The following TTN variants were observed in gnomAD, a reference collection of about 807,000 sequenced individuals.
TTN encodes titin.
In TTN, 1,525 loss-of-function variants were observed where a neutral mutation model predicts 3,223.0. The ratio of observed to expected loss-of-function variants is 0.47; its 90% CI spans 0.45 to 0.49. The LOEUF is 0.49. TTN is among the 20% of genes least tolerant of loss of function. TTN has a pLI of 0.00. For missense variants in TTN, 40,786 were observed against 43,424.0 expected (o/e 0.94, Z 5.40); for synonymous variants, 14,094 against 15,161.0 (o/e 0.93, Z 5.17).
Position 178,782,365 on chromosome 2 carries a change from G to T in TTN, c.3227C>A (p.Pro1076His). Residue 1076 changes from proline (P) to histidine (H), a missense_variant, in exon 20 of 363, where the codon CCT (proline) becomes CAT (histidine). Coordinates refer to ENST00000589042, the MANE Select transcript of TTN (RefSeq NM_001267550.2). ...DTSLTEEQAG[P>H]GEPAAPYFIT... ...AAAGTAAGGCGCGGCAGGTTCTCCA[G>T]GCCCTGCTTGTTCCTCTGTGAGGCT... The T allele has an allele frequency of 6.2e-7, 1 of 1,614,060 alleles. No individual in the cohort carries two copies. Among genetic ancestry groups the T allele is most frequent in the Non-Finnish European group, 8.5e-7 (1 of 1,179,980 alleles).
In TTN at chr2:178,701,538, C is replaced by T. The variant is rs727504524; in HGVS notation, c.30588G>A (p.Val10196=). 11 of 1,613,140 alleles carry T rather than the reference C, an allele frequency of 6.8e-6. No homozygotes were observed. The highest frequency in any genetic ancestry group is 5.0e-5 in the Admixed American group (3 of 59,908). ...GGTTCTGGGTCTTACCTTCTGGTGGCACTGCTCTGATAGGCATGGTTGGGA... is the reference window on the plus strand; with the variant it reads ...GGTTCTGGGTCTTACCTTCTGGTGGTACTGCTCTGATAGGCATGGTTGGGA... ...VPIPTMPIRA[V]PPEEIPPVVA... is the part of the protein sequence containing the mutation. Residue 10196 remains valine, a synonymous_variant, in exon 110 of 363, where the codon GTG becomes GTA. Transcript: ENST00000589042.
Position 178,593,452 on chromosome 2 carries a change from G to A in TTN, c.58756C>T (p.Pro19586Ser). The A allele has an allele frequency of 1.2e-6, 2 of 1,612,396 alleles. No individual in the cohort carries two copies. Among genetic ancestry groups the A allele is most frequent in the Non-Finnish European group, 1.7e-6 (2 of 1,179,508 alleles). ...TCTTTGGTAACTTCTGTAACAATTG[G>A]CTGATCAGGTGCATCAGGAACCCCT... is the stretch of plus-strand genomic sequence containing the variant. ...RFRVPDAPDQPIVTEVTKDSA... is the reference protein window; with the variant it reads ...RFRVPDAPDQSIVTEVTKDSA... Residue 19586 changes from proline (P) to serine (S), a missense_variant, in exon 299 of 363, where the codon CCA becomes TCA. Physicochemically the swap from Pro to Ser is moderately conservative, Grantham distance 74. Transcript: ENST00000589042.
Position 178,713,192 on chromosome 2 carries a change from C to T in TTN, c.26942G>A (p.Cys8981Tyr). 6.2e-7 allele frequency: 1 copy of T among 1,613,704 alleles called. No individual in the cohort carries two copies. Among genetic ancestry groups the T allele is most frequent in the Non-Finnish European group, 8.5e-7 (1 of 1,179,756 alleles). ...KYQTTLTDNT[C>Y]ALTVNMLEES... ...TTCCAGCATGTTCACAGTTAAAGCA[C>T]AAGTATTATCTGTCAGGGTGGTCTG... The change falls in exon 93 of 363, where the codon TGT (cysteine) becomes TAT (tyrosine). Residue 8981 changes from cysteine to tyrosine, a missense_variant. Transcript: ENST00000589042.
chr2:178,768,771 G>A lies in TTN; in HGVS notation c.9065C>T (p.Thr3022Ile). ...AACATTCCTGATGTTCAGTGAGTGT[G>A]TGAGCTTTTTGGTTCTCATCTGGCA... ...DKCQMRTKKL[T>I]HSLNIRNVHF... The change falls in exon 38 of 363, where the codon ACA becomes ATA. Residue 3022 changes from threonine (T) to isoleucine (I), a missense_variant. By Grantham distance (89) the Thr-to-Ile change is moderately conservative (BLOSUM62 -1). Coordinates refer to ENST00000589042, the MANE Select transcript of TTN (RefSeq NM_001267550.2). 1.2e-6 allele frequency: 2 copies of A among 1,614,118 alleles called. No homozygotes were observed. The highest frequency in any genetic ancestry group is 1.7e-6 in the Non-Finnish European group (2 of 1,180,000).
At chr2:178,664,416 G>A (rs772013067) in intron 168 of TTN, 44 bp downstream of exon 168, 149 of 1,454,042 alleles carry the variant, frequency 1.0e-4, no homozygotes, top group Admixed American at 1.9e-4. Context: ...CCTTTCTATC[G>A]CCCCACCCAC....
intron 259 of TTN, 54 bp from the exon 260 acceptor site, chr2:178,615,022 G>A: frequency 1.4e-6 from 2 of 1,452,198 alleles, no homozygotes; most frequent in South Asian, 1.3e-5. Context: ...TCGTTTCATT[G>A]TGTAGTACTC....
intron 119 of TTN, among the ~76,000 whole-genome samples, chr2:178,693,011 G>C (rs1023639603): frequency 1.3e-5 from 2 of 151,780 alleles, no homozygotes; most frequent in African/African-American, 4.8e-5. Flanking sequence ...TATAGTGCTT[G>C]CAGATTTCCG....
rs797008735 is a variant in TTN at position 178,549,064 on chromosome 2, A to T, written c.92562T>A (p.Ile30854=). 2 of 1,613,784 alleles carry T rather than the reference A, an allele frequency of 1.2e-6. No individual in the cohort carries two copies. Among genetic ancestry groups the T allele is most frequent in the Non-Finnish European group, 1.7e-6 (2 of 1,179,814 alleles). The change falls in exon 339 of 363, where the codon ATT becomes ATA. Residue 30854 remains isoleucine (I), a synonymous_variant. Transcript: ENST00000589042. The part of the protein sequence containing the change: ...KPVFDGGMEI[I]GYIIEMCKAD... ...CCTTACACATTTCAATAATATACCC[A>T]ATTATTTCCATGCCACCATCAAACA... is the stretch of plus-strand genomic sequence containing the variant.
rs184528870 is a variant in TTN, at chr2:178,583,988, G to T, written c.65276-82C>A. 1.0e-3 allele frequency: 1,391 copies of T among 1,363,374 alleles called. 1 individual carries two copies. Among genetic ancestry groups the T allele is most frequent in the Non-Finnish European group, 1.2e-3 (1,253 of 1,026,522 alleles). The allele number at this position is 1,363,374 out of a possible 1,614,324, so 84.5% of individuals were successfully genotyped here. The stretch of plus-strand genomic sequence containing the variant: ...CATATTTCACATTATCATCCCTGCT[G>T]CTAAGTAACAAGCTCAACAGGAAGA... On this transcript the variant is annotated intron_variant, in intron 311 of 362. Transcript: ENST00000589042.
intron 47 of TTN, chr2:178,747,357 G>C: frequency 6.2e-7 from 1 of 1,613,302 alleles, no homozygotes; most frequent in Non-Finnish European, 8.5e-7. Context: ...ATTGAGGATT[G>C]TTTAGTTATA....
chr2:178,684,148 AAGT>A, intron 132 of TTN, 66 bp from the exon 133 acceptor site: 1 of 1,547,262 alleles, frequency 6.5e-7, no homozygotes, highest in Admixed American at 1.8e-5. Context: ...GGCAGCCATA[AAGT>A]AGTAGCCCAA....
At chr2:178,657,416 AATAT>A in intron 189 of TTN, 78 bp downstream of exon 189, 3 of 548,250 alleles carry the variant, frequency 5.5e-6, no homozygotes, top group East Asian at 1.1e-4. Context: ...GTATAATAAA[AATAT>A]ATATATATAT....
chr2:178,775,194 A>C lies in TTN; in HGVS notation c.6517T>G (p.Leu2173Val), dbSNP rs760798049. 13 of 1,613,794 alleles carry C rather than the reference A, an allele frequency of 8.1e-6. No homozygotes were observed. The East Asian group carries it at 2.7e-4, about 33-fold the overall frequency. The change falls in exon 29 of 363, where the codon TTG becomes GTG. Residue 2173 changes from leucine to valine, a missense_variant. Physicochemically the swap from Leu to Val is conservative, Grantham distance 32 (BLOSUM62 1). Transcript: ENST00000589042. ...TGTAATTCCTGTGTGAAAGTGATCA[A>C]TTGCTTGGCTACAAGAAAAAGGTGG... ...HAFLLVQAKQ[L>V]ITFTQELQDV...
chr2:178,622,324 A>G (rs2058418639), intron 243 of TTN, among the ~76,000 whole-genome samples: 1 of 151,942 alleles, frequency 6.6e-6, no homozygotes. Flanking sequence ...CTCAGACTTG[A>G]AGAAACTTGC....
chr2:178,665,652 C>G, intron 164 of TTN, 56 bp downstream of exon 164: 1 of 1,283,034 alleles, frequency 7.8e-7, no homozygotes. Context: ...CCCTAGCACC[C>G]TGTACATGCT....
Position 178,717,547 on chromosome 2 carries a change from A to T in TTN, c.25327T>A (p.Ser8443Thr). ...SASNPLGTAS[S>T]SAKLILSEHE... ...CCTGAGAGAATGAGCTTGGCACTGG[A>T]TGAAGCAGTCCCAAGAGGATTAGAA... The change falls in exon 87 of 363, where the codon TCC (serine) becomes ACC (threonine). Residue 8443 changes from serine to threonine, a missense_variant. Ser to Thr is a moderately conservative substitution (Grantham distance 58). Coordinates refer to ENST00000589042, the MANE Select transcript of TTN (RefSeq NM_001267550.2). 2 of 1,609,878 alleles carry T rather than the reference A, an allele frequency of 1.2e-6. No homozygotes were observed. The highest frequency in any genetic ancestry group is 1.7e-6 in the Non-Finnish European group (2 of 1,177,408).
chr2:178,645,691 G>A (rs1008789843), intron 217 of TTN: 6 of 333,274 alleles, frequency 1.8e-5, no homozygotes, highest in Non-Finnish European at 2.2e-5. Context: ...CAGATATCCC[G>A]GATGACGCTA....
intron 170 of TTN, 50 bp downstream of exon 170, chr2:178,663,769 C>G (rs1408694540): frequency 6.2e-7 from 1 of 1,611,852 alleles, no homozygotes; most frequent in African/African-American, 1.3e-5. Flanking sequence ...GAAAAAATAT[C>G]TTCAAGAGCA....
rs141942278 is a variant in TTN at position 178,806,901 on chromosome 2, G to T, written c.-14+311C>A. ...ACCTTGAACATTCTCAACAGGCAAAGAGAGTCTAGAAAAGAAGTAAACATT... is the reference window on the plus strand; with the variant it reads ...ACCTTGAACATTCTCAACAGGCAAATAGAGTCTAGAAAAGAAGTAAACATT... On this transcript the variant is annotated intron_variant, in intron 1 of 362. Coordinates refer to ENST00000589042, the MANE Select transcript of TTN (RefSeq NM_001267550.2). 2.2e-3 allele frequency among the ~76,000 whole-genome samples: 339 copies of T among 152,274 alleles called. 1 individual carries two copies. Among genetic ancestry groups the T allele is most frequent in the East Asian group, 4.6e-3 (24 of 5,184 alleles).
Sources: gnomAD v4.1 joint callset for allele counts (sites outside exome capture counted in the v4.1 genomes callset) on GRCh38, gnomAD v4.1.1 for gene constraint, MANE v1.5 for transcripts, NCBI Gene and HGNC (gene_info 2026-07-23, HGNC 2026-07-21) for gene names.